WLS: variants seen among roughly 807,000 people sequenced by gnomAD.
The protein encoded by WLS is Wnt ligand secretion mediator, also known as protein wntless homolog.
In WLS, 23 loss-of-function variants were observed where a neutral mutation model predicts 62.8. The ratio of observed to expected loss-of-function variants is 0.37; its 90% confidence interval spans 0.26 to 0.52. The LOEUF is 0.52. Among genes scored for constraint, WLS ranks in the 20% least tolerant of loss-of-function variants. The pLI is 0.92. For synonymous variants in WLS, 246 were observed against 244.1 expected (o/e 1.01, Z -0.07); for missense variants, 615 against 697.3 (o/e 0.88, Z 1.33).
At chr1:68,115,103 A>G (rs1646274007) in intron 11 of WLS, among the ~76,000 whole-genome samples, 1 of 151,972 alleles carries the variant, frequency 6.6e-6, no homozygotes, top group Admixed American at 6.6e-5. Context: ...TACACCCCCC[A>G]CCACACCCGG....
Position 68,162,071 on chromosome 1 carries a change from T to C in WLS, c.380-2824A>G, listed in dbSNP as rs373800915. 2.5e-6 allele frequency: 4 copies of C among 1,582,970 alleles called. No individual in the cohort carries two copies. In the African/African-American group the frequency reaches 5.4e-5, roughly 21 times the overall value. On this transcript the variant is annotated intron_variant, in intron 2 of 11. Coordinates refer to ENST00000262348, the MANE Select transcript of WLS (RefSeq NM_024911.7). ...ATGTGACCTGTGATGGCTCGGCGGA[T>C]CTCAGTGGCAGCTGCCTCCCTCATC...
chr1:68,127,151 C>T (rs1447166426), intron 11 of WLS: 2 of 363,258 alleles, frequency 5.5e-6, no homozygotes, highest in African/African-American at 2.2e-5. Flanking sequence ...GCTATGATTG[C>T]ACCACTCACT....
chr1:68,153,402 A>G (rs1465517081), intron 5 of WLS, 115 bp downstream of exon 5: 2 of 1,433,570 alleles, frequency 1.4e-6, no homozygotes, highest in African/African-American at 2.8e-5. Context: ...CTCCTGGTCA[A>G]ATCACTGGCC....
At chr1:68,180,656 A>G (rs1647509696) in intron 2 of WLS, among the ~76,000 whole-genome samples, 1 of 152,158 alleles carries the variant, frequency 6.6e-6, no homozygotes, top group Non-Finnish European at 1.5e-5. Flanking sequence ...TTACCAATAA[A>G]TAGCATGGGC....
intron 10 of WLS, 95 bp from the exon 11 acceptor site, chr1:68,138,028 C>A (rs553801543): frequency 2.1e-6 from 3 of 1,460,998 alleles, no homozygotes; most frequent in Non-Finnish European, 2.8e-6. Flanking sequence ...AAAACCAAGT[C>A]TCTTCTACAT....
intron 2 of WLS, among the ~76,000 whole-genome samples, chr1:68,187,851 A>G (rs912187823): frequency 6.6e-5 from 10 of 152,204 alleles, no homozygotes; most frequent in African/African-American, 2.2e-4. Flanking sequence ...TAAAAAGTTC[A>G]GTTATAAATA....
At chr1:68,188,065 T>C (rs186283626) in intron 2 of WLS, among the ~76,000 whole-genome samples, 40 of 152,298 alleles carry the variant, frequency 2.6e-4, no homozygotes, top group Non-Finnish European at 5.1e-4. Flanking sequence ...AATCCAGCAC[T>C]TTCCTCACAA....
At chr1:68,217,494 T>C (rs1014434101) in intron 1 of WLS, among the ~76,000 whole-genome samples, 1 of 152,168 alleles carries the variant, frequency 6.6e-6, no homozygotes, top group Non-Finnish European at 1.5e-5. Flanking sequence ...CATGGAAAAC[T>C]TCAGTGGTTA....
intron 11 of WLS, among the ~76,000 whole-genome samples, chr1:68,114,992 C>T (rs2100339668): frequency 6.6e-6 from 1 of 152,290 alleles, no homozygotes; most frequent in South Asian, 2.1e-4. Context: ...TAGGACTAAG[C>T]TTGGATTATA....
chr1:68,118,880 A>AAAAAAAAAAAAAAAAT (rs1646329791), intron 11 of WLS, among the ~76,000 whole-genome samples: 1 of 142,786 alleles, frequency 7.0e-6, no homozygotes, highest in Non-Finnish European at 1.5e-5. Context: ...TGTCTCAAAA[A>AAAAAAAAAAAAAAAAT]AAAAAAAAAA....
intron 1 of WLS, among the ~76,000 whole-genome samples, chr1:68,208,080 C>T (rs1331445367): frequency 1.3e-5 from 2 of 152,202 alleles, no homozygotes; most frequent in African/African-American, 4.8e-5. Flanking sequence ...TGATTCTATA[C>T]AAATTTTAAC....
chr1:68,159,315 A>C, intron 2 of WLS, 68 bp from the exon 3 acceptor site: 1 of 1,571,282 alleles, frequency 6.4e-7, no homozygotes, highest in Non-Finnish European at 8.6e-7. Context: ...AGCTCAAAAA[A>C]TTCTTATAGG....
intron 11 of WLS, among the ~76,000 whole-genome samples, chr1:68,134,595 A>G (rs12062874): frequency 0.037 from 5,561 of 152,312 alleles, 120 homozygotes; most frequent in Middle Eastern, 0.099. Flanking sequence ...TGCCTATTGA[A>G]CAACATTTAG....
chr1:68,141,524 C>G (rs936623497), intron 10 of WLS: 3 of 152,146 alleles, frequency 2.0e-5, no homozygotes, highest in African/African-American at 7.2e-5. Flanking sequence ...ACCTCAGTAC[C>G]CAGCTACAAA....
intron 1 of WLS, among the ~76,000 whole-genome samples, chr1:68,210,009 G>T (rs748869771): frequency 5.3e-5 from 8 of 152,196 alleles, no homozygotes; most frequent in Non-Finnish European, 1.2e-4. Context: ...TTTACCCAAA[G>T]TTACATGAGT....
At chr1:68,131,222 T>TC (rs397697093) in intron 11 of WLS, among the ~76,000 whole-genome samples, 6 of 151,288 alleles carry the variant, frequency 4.0e-5, no homozygotes, top group Admixed American at 1.3e-4. Context: ...TTTTTTTTTT[T>TC]CCAAAGAAAG....
At position 68,181,790 on chromosome 1, in the gene WLS, T is replaced by C. The variant is rs1214529478; in HGVS notation, c.379+12165A>G. ...TAAAGGATTAGTGCTTTAACTTGGGTCAACCACCCATTTGCAAACCTGACA... is the reference window on the plus strand; with the variant it reads ...TAAAGGATTAGTGCTTTAACTTGGGCCAACCACCCATTTGCAAACCTGACA... On this transcript the variant is annotated intron_variant, in intron 2 of 11. Transcript: ENST00000262348. Among the ~76,000 whole-genome samples the C allele has an allele frequency of 2.6e-5, 4 of 152,168 alleles. No homozygotes were observed. In the South Asian group the frequency reaches 6.2e-4, roughly 24 times the overall value.
chr1:68,231,628 C>A, intron 1 of WLS: 1 of 408,626 alleles, frequency 2.4e-6, no homozygotes, highest in Non-Finnish European at 5.0e-6. Context: ...GGCGGGAAAG[C>A]AGAGGGCGCG....
At chr1:68,113,242 T>C (rs1223898270) in intron 11 of WLS, among the ~76,000 whole-genome samples, 1 of 152,186 alleles carries the variant, frequency 6.6e-6, no homozygotes, top group Non-Finnish European at 1.5e-5. Context: ...GGTTGTTGAG[T>C]CAGATTTATG....
Sources: allele counts gnomAD v4.1 joint callset (sites outside exome capture counted in the v4.1 genomes callset), GRCh38; gene constraint gnomAD v4.1.1; transcripts MANE v1.5; gene names NCBI Gene and HGNC (gene_info 2026-07-23, HGNC 2026-07-21).